The following GPM6A variants were observed in gnomAD, a reference collection of about 807,000 sequenced individuals.
The protein encoded by GPM6A is glycoprotein M6A.
Under a neutral mutation model 32.1 loss-of-function variants are expected in GPM6A, and 7 were observed. The ratio of observed to expected loss-of-function variants is 0.22; its 90% CI spans 0.12 to 0.41. The LOEUF is 0.41. Ranked by LOEUF, GPM6A falls within the 10% of genes least tolerant of loss-of-function variation. The pLI is 1.00. For synonymous variants in GPM6A, 130 were observed against 123.4 expected (o/e 1.05, Z -0.35); for missense variants, 235 against 347.2 (o/e 0.68, Z 2.57).
chr4:175,908,093 G>A (rs545239194), intron 1 of GPM6A, among the ~76,000 whole-genome samples: 124 of 152,116 alleles, frequency 8.2e-4, no homozygotes, highest in African/African-American at 2.6e-3. Context: ...ATATATTAAC[G>A]AATAACTATT....
At chr4:175,651,007 C>T (rs1579342341) in intron 4 of GPM6A, among the ~76,000 whole-genome samples, 1 of 152,236 alleles carries the variant, frequency 6.6e-6, no homozygotes, top group Middle Eastern at 3.4e-3. Context: ...TCTACCTTTC[C>T]ACTTCCAGCT....
chr4:175,695,078 A>G (rs1008125726), intron 2 of GPM6A, among the ~76,000 whole-genome samples: 1 of 151,974 alleles, frequency 6.6e-6, no homozygotes, highest in African/African-American at 2.4e-5. Flanking sequence ...AGCAGAGGGC[A>G]AGAGTTGAGG....
chr4:175,742,532 A>C (rs532157668), intron 1 of GPM6A, among the ~76,000 whole-genome samples: 3 of 152,274 alleles, frequency 2.0e-5, no homozygotes, highest in African/African-American at 7.2e-5. Context: ...CTGTATTAAC[A>C]AACTCTATTA....
At chr4:175,999,156 GGTCTCATAGTGATATACATGTA>G (rs1488154969) in intron 1 of GPM6A, among the ~76,000 whole-genome samples, 2 of 152,136 alleles carry the variant, frequency 1.3e-5, no homozygotes, top group Admixed American at 6.5e-5. Context: ...AGTAATCAAT[GGTCTCATAGTGATATACATGTA>G]GTCTCATAGT....
At chr4:175,766,768 C>T (rs1732987052) in intron 1 of GPM6A, among the ~76,000 whole-genome samples, 1 of 151,618 alleles carries the variant, frequency 6.6e-6, no homozygotes, top group African/African-American at 2.4e-5. Context: ...AATTCTCCTG[C>T]CTCATCCTCC....
chr4:175,866,111 T>A (rs1736725949), intron 1 of GPM6A, among the ~76,000 whole-genome samples: 1 of 152,220 alleles, frequency 6.6e-6, no homozygotes, highest in Non-Finnish European at 1.5e-5. Context: ...ATGTTTGCAA[T>A]ATTCATTTTT....
At chr4:175,750,864 C>T (rs994097164) in intron 1 of GPM6A, among the ~76,000 whole-genome samples, 10 of 152,110 alleles carry the variant, frequency 6.6e-5, no homozygotes, top group South Asian at 2.1e-4. Flanking sequence ...TGAGTCACCA[C>T]GCTGAGGCTA....
At chr4:175,846,738 T>C (rs778049855) in intron 1 of GPM6A, among the ~76,000 whole-genome samples, 1 of 152,148 alleles carries the variant, frequency 6.6e-6, no homozygotes, top group Non-Finnish European at 1.5e-5. Context: ...GCTCTTATAA[T>C]AGGATTTTAC....
chr4:175,957,340 G>A (rs1410483269), intron 1 of GPM6A, among the ~76,000 whole-genome samples: 1 of 152,116 alleles, frequency 6.6e-6, no homozygotes, highest in Non-Finnish European at 1.5e-5. Context: ...CTGCTCTCAA[G>A]TCCATTAATT....
At chr4:175,993,749 G>C (rs1344231225) in intron 1 of GPM6A, among the ~76,000 whole-genome samples, 1 of 152,086 alleles carries the variant, frequency 6.6e-6, no homozygotes, top group Non-Finnish European at 1.5e-5. Flanking sequence ...TTCAAAGTCT[G>C]GACATGACCC....
intron 3 of GPM6A, among the ~76,000 whole-genome samples, chr4:175,655,051 C>A (rs1742007010): frequency 6.6e-6 from 1 of 152,084 alleles, no homozygotes; most frequent in Admixed American, 6.6e-5. Flanking sequence ...TGTGTTGTTA[C>A]TGCTACTTTA....
intron 1 of GPM6A, among the ~76,000 whole-genome samples, chr4:175,853,353 T>C (rs1296892729): frequency 5.3e-5 from 8 of 152,058 alleles, no homozygotes; most frequent in Admixed American, 5.2e-4. Context: ...AGGAAAGTAC[T>C]AACAAAAGAA....
intron 1 of GPM6A, among the ~76,000 whole-genome samples, chr4:175,706,058 A>T (rs2111076814): frequency 6.6e-6 from 1 of 152,316 alleles, no homozygotes; most frequent in South Asian, 2.1e-4. Flanking sequence ...CAGCTTTAAC[A>T]TGAAAACAAA....
intron 1 of GPM6A, among the ~76,000 whole-genome samples, chr4:175,938,328 C>T (rs1739302762): frequency 6.6e-6 from 1 of 152,192 alleles, no homozygotes; most frequent in Non-Finnish European, 1.5e-5. Context: ...GGAATTGCCA[C>T]ACTGTCTTCC....
chr4:175,941,600 T>A (rs757469999), intron 1 of GPM6A, among the ~76,000 whole-genome samples: 1 of 152,188 alleles, frequency 6.6e-6, no homozygotes, highest in Non-Finnish European at 1.5e-5. Flanking sequence ...TGTCCATGTG[T>A]TCTCATTGTT....
At chr4:175,678,784 A>T (rs1413122078) in intron 2 of GPM6A, among the ~76,000 whole-genome samples, 1 of 152,218 alleles carries the variant, frequency 6.6e-6, no homozygotes, top group East Asian at 1.9e-4. Context: ...GCTATTCTAT[A>T]CAATTCTTTT....
At chr4:175,841,131 A>G (rs17062133) in intron 1 of GPM6A, among the ~76,000 whole-genome samples, 38,881 of 152,150 alleles carry the variant, frequency 0.26, 5,907 homozygotes, top group East Asian at 0.35. Context: ...TGGCTGCTAA[A>G]TTATGAAGGA....
chr4:175,811,460 C>A (rs893795117), intron 1 of GPM6A, among the ~76,000 whole-genome samples: 2 of 152,258 alleles, frequency 1.3e-5, no homozygotes, highest in African/African-American at 4.8e-5. Context: ...TGAATCATTC[C>A]AAATTACCAA....
chr4:175,846,664 T>C (rs911193930), intron 1 of GPM6A, among the ~76,000 whole-genome samples: 4 of 152,206 alleles, frequency 2.6e-5, no homozygotes, highest in Non-Finnish European at 5.9e-5. Context: ...GAAATGTCTA[T>C]ACCGAAGAAT....
Sources: allele counts gnomAD v4.1 joint callset (sites outside exome capture counted in the v4.1 genomes callset), GRCh38; gene constraint gnomAD v4.1.1; transcripts MANE v1.5; gene names NCBI Gene and HGNC (gene_info 2026-07-23, HGNC 2026-07-21).